The following KIF5B variants were observed in gnomAD, a reference collection of about 807,000 sequenced individuals.
The protein encoded by KIF5B is kinesin family member 5B, also known as kinesin-1 heavy chain.
A neutral mutation model predicts 132.8 loss-of-function variants in KIF5B; 49 were observed. The observed-to-expected ratio is 0.37, with a 90% CI of 0.29 to 0.47. KIF5B has a LOEUF of 0.47. Ranked by LOEUF, KIF5B falls within the 20% of genes least tolerant of loss-of-function variation. The probability of loss-of-function intolerance (pLI) is 1.00; values close to 1 mark genes in which losing one functional copy is unlikely to be tolerated. For missense variants in KIF5B, 780 were observed against 1,144.0 expected, an observed-to-expected ratio of 0.68 and a Z score of 4.59; for synonymous variants, 355 against 369.4, an observed-to-expected ratio of 0.96 and a Z score of 0.45.
intron 8 of KIF5B, among the ~76,000 whole-genome samples, chr10:32,036,311 G>A (rs1457828136): frequency 6.6e-6 from 1 of 152,172 alleles, no homozygotes; most frequent in Non-Finnish European, 1.5e-5. Context: ...ATTGGCTAAT[G>A]CATAATGTTG....
chr10:32,009,331 A>T lies in KIF5B; in HGVS notation c.*2206T>A, dbSNP rs549423930. 2.6e-4 allele frequency: 40 copies of T among 152,296 alleles called. No homozygotes were observed. The highest frequency in any genetic ancestry group is 1.6e-3 in the Admixed American group (24 of 15,296). 9.4% of individuals were successfully genotyped at this position (152,296 alleles called of 1,614,324 possible). On this transcript the variant is annotated 3_prime_UTR_variant, in exon 26 of 26. Transcript: ENST00000302418. ...ACCATCTATCAATGCCATTCAGAGG[A>T]ACGTTAATATATCCAGTCAAAAAGA...
At chr10:32,026,647 G>A (rs1841338517) in intron 15 of KIF5B, among the ~76,000 whole-genome samples, 1 of 150,904 alleles carries the variant, frequency 6.6e-6, no homozygotes, top group African/African-American at 2.4e-5. Flanking sequence ...TCATCCCTCT[G>A]CCACTAAACA....
rs1041150463 is a variant in KIF5B, at chr10:32,025,651, C to T, written c.1726-2615G>A. Among the ~76,000 whole-genome samples, 20 of 152,238 alleles carry T rather than the reference C, an allele frequency of 1.3e-4. 1 individual carries two copies. Among genetic ancestry groups the T allele is most frequent in the African/African-American group, 4.8e-4 (20 of 41,462 alleles). ...TCGGCCTCCCGAAGTGCTGGGATTA[C>T]AGGCATGAGCCACCATGCTCAGCCT... On this transcript the variant is annotated intron_variant, in intron 15 of 25. Transcript: ENST00000302418.
chr10:32,018,170 G>GT lies in KIF5B; in HGVS notation c.2440-15dup, dbSNP rs1366626242. The GT allele has an allele frequency of 1.9e-6, 3 of 1,555,830 alleles. No homozygotes were observed. The highest frequency in any genetic ancestry group is 1.7e-4 in the Middle Eastern group (1 of 5,846). ...AATCTCAGCACTCTGAGAAAAGAAG[G>GT]TAAGTATTACAAAAAAATTAAAAAA... On this transcript the variant is annotated splice_polypyrimidine_tract_variant and intron_variant, in intron 22 of 25. Transcript: ENST00000302418.
intron 1 of KIF5B, among the ~76,000 whole-genome samples, chr10:32,052,938 A>C (rs1416925504): frequency 6.6e-6 from 1 of 152,248 alleles, no homozygotes; most frequent in East Asian, 1.9e-4. Flanking sequence ...AAGTTTAGAC[A>C]AAGTATTAAA....
chr10:32,055,536 AC>A (rs1841744086), intron 1 of KIF5B, among the ~76,000 whole-genome samples: 1 of 151,940 alleles, frequency 6.6e-6, no homozygotes, highest in African/African-American at 2.4e-5. Context: ...ACACACACAC[AC>A]ACACGCAGAC....
Position 32,041,039 on chromosome 10 carries a change from G to A in KIF5B, c.215-582C>T, listed in dbSNP as rs571081636. ...ACGTGGCCTGTAATTTCAGCTACTC[G>A]AAAGACTAAGGCACAAAAATCGCCT... is the stretch of plus-strand genomic sequence containing the variant. On this transcript the variant is annotated intron_variant, in intron 2 of 25. Transcript: ENST00000302418. Among the ~76,000 whole-genome samples, 333 of 146,714 alleles carry A rather than the reference G, an allele frequency of 2.3e-3. 1 individual carries two copies. Among genetic ancestry groups the A allele is most frequent in the Non-Finnish European group, 3.0e-3 (203 of 67,202 alleles).
chr10:32,028,127 C>T (rs1841356364), intron 15 of KIF5B, among the ~76,000 whole-genome samples: 1 of 152,116 alleles, frequency 6.6e-6, no homozygotes, highest in Admixed American at 6.5e-5. Flanking sequence ...CCATGCCAGG[C>T]TCATTTTTGT....
At chr10:32,049,997 A>G (rs1163606816) in intron 1 of KIF5B, among the ~76,000 whole-genome samples, 1 of 152,114 alleles carries the variant, frequency 6.6e-6, no homozygotes, top group Non-Finnish European at 1.5e-5. Flanking sequence ...TTAATAATCT[A>G]GGAGAAAGAG....
intron 2 of KIF5B, among the ~76,000 whole-genome samples, chr10:32,047,094 T>C (rs1349274367): frequency 6.6e-6 from 1 of 152,198 alleles, no homozygotes; most frequent in Non-Finnish European, 1.5e-5. Context: ...ACTAGAAATA[T>C]TTCTATTGAA....
At chr10:32,052,782 G>A (rs1019446972) in intron 1 of KIF5B, among the ~76,000 whole-genome samples, 2 of 152,024 alleles carry the variant, frequency 1.3e-5, no homozygotes, top group East Asian at 1.9e-4. Context: ...CATTTCATTC[G>A]ATGTTACATT....
intron 24 of KIF5B, among the ~76,000 whole-genome samples, chr10:32,016,846 A>C (rs1841176927): frequency 6.6e-6 from 1 of 152,186 alleles, no homozygotes; most frequent in South Asian, 2.1e-4. Context: ...ACCAATGATT[A>C]TTCTTAAACG....
chr10:32,045,768 C>T (rs892702477), intron 2 of KIF5B, among the ~76,000 whole-genome samples: 1 of 152,042 alleles, frequency 6.6e-6, no homozygotes, highest in Non-Finnish European at 1.5e-5. Flanking sequence ...ATACTAGAGT[C>T]ATGCACCATC....
chr10:32,026,131 C>T (rs541784983), intron 15 of KIF5B, among the ~76,000 whole-genome samples: 1 of 152,170 alleles, frequency 6.6e-6, no homozygotes, highest in Non-Finnish European at 1.5e-5. Context: ...AAACTGTAAA[C>T]TGTAACTTAA....
At chr10:32,024,344 C>T (rs1401480159) in intron 15 of KIF5B, among the ~76,000 whole-genome samples, 4 of 145,336 alleles carry the variant, frequency 2.8e-5, no homozygotes, top group Admixed American at 2.0e-4. Context: ...TTAGTAGAGA[C>T]GGGGTTTCAC....
chr10:32,020,131 T>C (rs1436536769), intron 19 of KIF5B, among the ~76,000 whole-genome samples, 172 bp from the exon 20 acceptor site: 3 of 152,178 alleles, frequency 2.0e-5, no homozygotes, highest in Admixed American at 6.5e-5. Flanking sequence ...ACATACAAAA[T>C]TTTTCGTATT....
In KIF5B at chr10:32,033,876, ATTTCTTCTTCACAC is replaced by A; in HGVS notation, c.1260_1273del (p.Lys420AsnfsTer3). ...ATCAAGCTGTTTGTATAATTTAGCA[ATTTCTTCTTCACAC>A]TTTCTTCTTTCAGCATCAGTAAAAT... is the stretch of plus-strand genomic sequence containing the variant. On this transcript the variant is annotated frameshift_variant, in exon 12 of 26. Transcript: ENST00000302418. LOFTEE classifies it high-confidence loss of function. The A allele has an allele frequency of 6.2e-7, 1 of 1,613,036 alleles. No homozygotes were observed. Among genetic ancestry groups the A allele is most frequent in the Non-Finnish European group, 8.5e-7 (1 of 1,179,592 alleles).
intron 1 of KIF5B, among the ~76,000 whole-genome samples, chr10:32,050,344 A>G (rs533066872): frequency 5.3e-5 from 8 of 152,210 alleles, no homozygotes; most frequent in Non-Finnish European, 1.0e-4. Context: ...TAGTAGTCAC[A>G]TGACCAAGCT....
intron 15 of KIF5B, among the ~76,000 whole-genome samples, 175 bp downstream of exon 15, chr10:32,028,253 C>G (rs1841357981): frequency 6.6e-6 from 1 of 152,106 alleles, no homozygotes; most frequent in Non-Finnish European, 1.5e-5. Flanking sequence ...ATTTGGGTGC[C>G]CTTATTCTCT....
Sources: allele counts gnomAD v4.1 joint callset (sites outside exome capture counted in the v4.1 genomes callset), GRCh38; gene constraint gnomAD v4.1.1; transcripts MANE v1.5; gene names NCBI Gene and HGNC (gene_info 2026-07-23, HGNC 2026-07-21).